The following CROCC variants were observed in gnomAD, a reference collection of about 807,000 sequenced individuals.
CROCC encodes rootletin.
In CROCC, 180 loss-of-function variants were observed where a neutral mutation model predicts 245.2. The observed-to-expected ratio is 0.73, with a 90% CI of 0.65 to 0.83. The LOEUF (loss-of-function observed/expected upper bound fraction) is 0.83. Among genes scored for constraint, CROCC ranks in the 40% least tolerant of loss-of-function variants. CROCC has a pLI of 0.00. For synonymous variants in CROCC, 1,205 were observed against 1,241.6 expected, an observed-to-expected ratio of 0.97 and a Z score of 0.62; for missense variants, 2,688 against 2,779.4, an observed-to-expected ratio of 0.97 and a Z score of 0.74.
Position 16,949,367 on chromosome 1 carries a change from A to G in CROCC, c.2836+441A>G, listed in dbSNP as rs1389895824. ...ACTCAGGGCTTCTTTCTGCTCACCT[A>G]ACATTAACTAAGCACCTACTTGGGT... On this transcript the variant is annotated intron_variant, in intron 19 of 36. Transcript: ENST00000375541. 4.6e-5 allele frequency among the ~76,000 whole-genome samples: 7 copies of G among 152,222 alleles called. No individual in the cohort carries two copies. In the East Asian group the frequency reaches 1.4e-3, roughly 29 times the overall value.
upstream of CROCC, among the ~76,000 whole-genome samples, chr1:16,921,520 T>C: frequency 6.6e-6 from 1 of 152,280 alleles, no homozygotes; most frequent in Non-Finnish European, 1.5e-5. Flanking sequence ...CAGCATGCTG[T>C]AAATCCTCTC....
intron 35 of CROCC, among the ~76,000 whole-genome samples, chr1:16,971,218 T>C: frequency 1.9e-5 from 1 of 53,352 alleles, no homozygotes; most frequent in Non-Finnish European, 5.5e-5. Flanking sequence ...TGAGTGTGTG[T>C]GTGTGTGTGT....
chr1:16,919,961 G>A (rs557762279), upstream of CROCC, among the ~76,000 whole-genome samples: 49 of 152,304 alleles, frequency 3.2e-4, no homozygotes, highest in African/African-American at 8.7e-4. Flanking sequence ...GCACAATCTC[G>A]GCTCACTGCA....
chr1:16,953,382 C>G lies in CROCC; in HGVS notation c.3087C>G (p.Ala1029=). ...AGCGTGAGCAGGAGGAGCTGCTGGC[C>G]CGGCTGGAGGCTGAGAAGGAAGAGC... ...QLQREQEELL[A]RLEAEKEELS... is the part of the protein sequence containing the mutation. Residue 1029 remains alanine (A), a synonymous_variant, in exon 21 of 37, where the codon GCC becomes GCG. Coordinates refer to ENST00000375541, the MANE Select transcript of CROCC (RefSeq NM_014675.5). 1 of 1,610,470 alleles carries G rather than the reference C, an allele frequency of 6.2e-7. No individual in the cohort carries two copies.
At position 16,971,586 on chromosome 1, in the gene CROCC, A is replaced by T; in HGVS notation, c.5906A>T (p.Glu1969Val). Residue 1969 changes from glutamate (E) to valine (V), a missense_variant, in exon 36 of 37, where the codon GAG (glutamate) becomes GTG (valine). Physicochemically the swap from Glu to Val is moderately radical, Grantham distance 121 (BLOSUM62 -2). Coordinates refer to ENST00000375541, the MANE Select transcript of CROCC (RefSeq NM_014675.5). Reference sequence around the variant, plus strand: ...CTGCGCAGCGCCCAGGCGCAGACTGAGCGCACCCTGGAGGCTCGGGAGCGG... The same window carrying T: ...CTGCGCAGCGCCCAGGCGCAGACTGTGCGCACCCTGGAGGCTCGGGAGCGG... ...ERLRSAQAQT[E>V]RTLEARERAH... The T allele has an allele frequency of 6.5e-7, 1 of 1,530,348 alleles. No homozygotes were observed. The allele number at this position is 1,530,348 out of a possible 1,614,324, so 94.8% of individuals were successfully genotyped here.
intron 8 of CROCC, among the ~76,000 whole-genome samples, chr1:16,933,466 C>T (rs1317546267): frequency 3.3e-5 from 5 of 151,162 alleles, no homozygotes; most frequent in African/African-American, 9.7e-5. Flanking sequence ...AACTCTGTCT[C>T]GAAAAAAAAA....
Position 16,971,528 on chromosome 1 carries a change from C to T in CROCC, c.5848C>T (p.Gln1950Ter). The T allele has an allele frequency of 2.0e-6, 3 of 1,537,014 alleles. No homozygotes were observed. In the Admixed American group the frequency reaches 5.9e-5, roughly 30 times the overall value. ...PAQLEVDAQQ[Q>*]QLELQQEVER... ...CCAGCTGGAGGTGGATGCGCAGCAG[C>T]AGCAGCTGGAGCTGCAGCAGGAGGT... is the stretch of plus-strand genomic sequence containing the variant. The change falls in exon 36 of 37, where the codon CAG (glutamine) becomes TAG (stop). Residue 1950 changes from glutamine (Q) to a stop codon, truncating the protein, a stop_gained. Coordinates refer to ENST00000375541, the MANE Select transcript of CROCC (RefSeq NM_014675.5). LOFTEE classifies it high-confidence loss of function.
chr1:16,915,729 G>C (rs2075295523), intron 1 of CROCC, among the ~76,000 whole-genome samples: 1 of 152,248 alleles, frequency 6.6e-6, no homozygotes, highest in Non-Finnish European at 1.5e-5. Context: ...GCTGAGAGTC[G>C]GGGTAGCTCC....
chr1:16,972,521 C>CCCA lies in CROCC; in HGVS notation c.*76_*77insCAC, dbSNP rs2076540083. The CCCA allele has an allele frequency of 1.1e-6, 1 of 948,218 alleles. No homozygotes were observed. Among genetic ancestry groups the CCCA allele is most frequent in the African/African-American group, 1.9e-5 (1 of 53,326 alleles). The allele number at this position is 948,218 out of a possible 1,614,324, so 58.7% of individuals were successfully genotyped here. On this transcript the variant is annotated 3_prime_UTR_variant, in exon 37 of 37. Transcript: ENST00000375541. ...CCCTTCTTTTGGACAGCCCCCCCAC[C>CCCA]CAGAGCCCGGTCCCTTGGGGGCCTC...
Position 16,966,201 on chromosome 1 carries a change from C to G in CROCC, c.4696+82C>G. The G allele has an allele frequency of 2.0e-6, 3 of 1,533,130 alleles. No individual in the cohort carries two copies. The highest frequency in any genetic ancestry group is 2.6e-6 in the Non-Finnish European group (3 of 1,136,018). 95.0% of individuals were successfully genotyped at this position (1,533,130 alleles called of 1,614,324 possible). A position where few individuals can be genotyped will look rare whatever the true frequency, so the allele number is the denominator to read the frequency against. On this transcript the variant is annotated intron_variant, in intron 29 of 36. Coordinates refer to ENST00000375541, the MANE Select transcript of CROCC (RefSeq NM_014675.5). This position sits in a 1 kb window ranked among gnomAD's most constrained non-coding sequence, Gnocchi z 4.8. ...AGGAGCCGGGGGATTGGCCTCTGACCTTGCCGTGGCCCCCATGACCTGACT... is the reference window on the plus strand; with the variant it reads ...AGGAGCCGGGGGATTGGCCTCTGACGTTGCCGTGGCCCCCATGACCTGACT...
chr1:16,955,479 G>A lies in CROCC; in HGVS notation c.3633G>A (p.Glu1211=), dbSNP rs1383817103. 1.3e-6 allele frequency: 2 copies of A among 1,586,458 alleles called. No homozygotes were observed. The highest frequency in any genetic ancestry group is 8.5e-7 in the Non-Finnish European group (1 of 1,169,842). ...LRRSLGEGAK[E]REALRRSNEE... ...GCAGCCTGGGCGAGGGTGCCAAGGA[G>A]CGCGAGGCCCTGCGGCGTTCCAATG... The change falls in exon 24 of 37, where the codon GAG becomes GAA. Residue 1211 remains glutamate, a synonymous_variant. Coordinates refer to ENST00000375541, the MANE Select transcript of CROCC (RefSeq NM_014675.5).
At position 16,954,379 on chromosome 1, in the gene CROCC, G is replaced by A. The variant is rs1331507462; in HGVS notation, c.3321+22G>A. ...CCGGGTAGGGCAGGCTGGGCAGCTG[G>A]GCCTCTGTCTCATAGAGAGGCACAT... On this transcript the variant is annotated intron_variant, in intron 22 of 36. Transcript: ENST00000375541. This position sits in a 1 kb window ranked among gnomAD's most constrained non-coding sequence, Gnocchi z 4.4. 1 of 1,603,772 alleles carries A rather than the reference G, an allele frequency of 6.2e-7. No individual in the cohort carries two copies. Among genetic ancestry groups the A allele is most frequent in the South Asian group, 1.1e-5 (1 of 90,188 alleles).
At chr1:16,969,959 T>C (rs776212404) in intron 33 of CROCC, 25 bp downstream of exon 33, 1 of 1,560,348 alleles carries the variant, frequency 6.4e-7, no homozygotes, top group Non-Finnish European at 8.7e-7. Context: ...GTGCCCCCTC[T>C]GTCCCCAAGA....
chr1:16,970,296 C>T lies in CROCC; in HGVS notation c.5495C>T (p.Thr1832Ile), dbSNP rs752797761. 1 of 1,583,278 alleles carries T rather than the reference C, an allele frequency of 6.3e-7. No individual in the cohort carries two copies. Among genetic ancestry groups the T allele is most frequent in the Admixed American group, 1.8e-5 (1 of 55,546 alleles). Residue 1832 changes from threonine to isoleucine, a missense_variant, in exon 34 of 37, where the codon ACC (threonine) becomes ATC (isoleucine). This residue lies in a region of CROCC where 1,218 missense variants were observed against 1,286.3 expected (regional missense o/e 0.95). Coordinates refer to ENST00000375541, the MANE Select transcript of CROCC (RefSeq NM_014675.5). Reference protein sequence around the residue: ...RQEGEAAALNTVQKLQDERRL... With the variant: ...RQEGEAAALNIVQKLQDERRL... ...GAGGGTGAGGCTGCAGCCCTGAACA[C>T]CGTCCAGAAGCTGCAAGACGAGCGG...
At chr1:16,940,683 C>G in intron 13 of CROCC, 2 of 223,216 alleles carry the variant, frequency 9.0e-6, no homozygotes, top group Non-Finnish European at 1.8e-5. Flanking sequence ...CCACCGCGCC[C>G]GGCCAACATT....
At position 16,954,461 on chromosome 1, in the gene CROCC, C is replaced by G. The variant is rs561343934; in HGVS notation, c.3321+104C>G. The G allele has an allele frequency of 4.1e-5, 60 of 1,451,246 alleles. No homozygotes were observed. The African/African-American group carries it at 7.8e-4, about 19-fold the overall frequency. 89.9% of individuals were successfully genotyped at this position (1,451,246 alleles called of 1,614,324 possible). A position where few individuals can be genotyped will look rare whatever the true frequency, so the allele number is the denominator to read the frequency against. On this transcript the variant is annotated intron_variant, in intron 22 of 36. Coordinates refer to ENST00000375541, the MANE Select transcript of CROCC (RefSeq NM_014675.5). The surrounding 1 kb of genome is among the most constrained non-coding windows in gnomAD (Gnocchi z 4.4). ...CATGGCCCTGTCCTGGAGAAGCTTC[C>G]AGGCTGTGGGAAAGGAGGTTTAGCC...
intron 1 of CROCC, among the ~76,000 whole-genome samples, chr1:16,915,774 C>T (rs1225397541): frequency 1.3e-5 from 2 of 152,220 alleles, no homozygotes; most frequent in Non-Finnish European, 2.9e-5. Flanking sequence ...AAAATCTGGC[C>T]GACAAGCGGG....
rs1304398733 is a variant in CROCC at position 16,946,946 on chromosome 1, C to T, written c.2469C>T (p.Pro823=). The change falls in exon 17 of 37, where the codon CCC becomes CCT. Residue 823 remains proline, a synonymous_variant. Transcript: ENST00000375541. The part of the protein sequence containing the change: ...QAQEALEQQL[P]TLRHERSQLQ... ...AGGAGGCATTGGAGCAGCAGCTCCCCACGCTGCGCCATGAGCGCAGCCAGC... is the reference window on the plus strand; with the variant it reads ...AGGAGGCATTGGAGCAGCAGCTCCCTACGCTGCGCCATGAGCGCAGCCAGC... 6.4e-7 allele frequency: 1 copy of T among 1,559,966 alleles called. No homozygotes were observed. Among genetic ancestry groups the T allele is most frequent in the Non-Finnish European group, 8.7e-7 (1 of 1,152,652 alleles).
intron 7 of CROCC, among the ~76,000 whole-genome samples, chr1:16,930,805 A>G (rs1449916575): frequency 6.6e-6 from 1 of 152,292 alleles, no homozygotes; most frequent in South Asian, 2.1e-4. Context: ...TCCTCATGAT[A>G]ACTGCATGTG....
Sources: gnomAD v4.1 joint callset for allele counts (sites outside exome capture counted in the v4.1 genomes callset) on GRCh38, gnomAD v4.1.1 for gene constraint, gnomAD v4.1.1 regional missense constraint, Gnocchi (gnomAD v3.1) non-coding constraint, MANE v1.5 for transcripts, NCBI Gene and HGNC (gene_info 2026-07-23, HGNC 2026-07-21) for gene names.